ACSS3: variants seen among roughly 807,000 people sequenced by gnomAD.
ACSS3 encodes the protein acyl-CoA synthetase short-chain family member 3, mitochondrial.
A neutral mutation model predicts 84.2 loss-of-function variants in ACSS3; 64 were observed. The observed-to-expected ratio is 0.76, with a 90% CI of 0.62 to 0.94. The LOEUF (loss-of-function observed/expected upper bound fraction) is 0.94. Among genes scored for constraint, ACSS3 ranks in the 40% least tolerant of loss-of-function variants. ACSS3 has a pLI of 0.00. For synonymous variants in ACSS3, 317 were observed against 310.1 expected (o/e 1.02, Z -0.23); for missense variants, 815 against 867.6 (o/e 0.94, Z 0.76).
chr12:81,203,973 TA>T (rs2032227545), intron 9 of ACSS3, among the ~76,000 whole-genome samples: 1 of 152,136 alleles, frequency 6.6e-6, no homozygotes, highest in Admixed American at 6.6e-5. Context: ...TAAAATATGG[TA>T]ATCCATGTGC....
At chr12:81,108,334 A>G (rs1203881781) in intron 1 of ACSS3, among the ~76,000 whole-genome samples, 2 of 151,566 alleles carry the variant, frequency 1.3e-5, no homozygotes, top group Admixed American at 1.3e-4. Flanking sequence ...GCTGGAGTGC[A>G]GTGGCGTGAT....
intron 5 of ACSS3, among the ~76,000 whole-genome samples, chr12:81,145,149 C>T (rs979637457): frequency 1.0e-4 from 15 of 148,932 alleles, no homozygotes; most frequent in Non-Finnish European, 1.6e-4. Context: ...ATCTCCTGAC[C>T]TCGTGATCCA....
At chr12:81,140,575 A>T (rs963829001) in intron 4 of ACSS3, among the ~76,000 whole-genome samples, 6 of 152,242 alleles carry the variant, frequency 3.9e-5, no homozygotes, top group African/African-American at 1.4e-4. Context: ...ATTCCTGTGT[A>T]AAGTTTTAGT....
intron 13 of ACSS3, among the ~76,000 whole-genome samples, chr12:81,243,955 A>C (rs2033898202): frequency 6.6e-6 from 1 of 152,162 alleles, no homozygotes; most frequent in Non-Finnish European, 1.5e-5. Context: ...TTATTTATAC[A>C]AATTTCTGAC....
At chr12:81,248,891 T>G (rs1167394620) in intron 13 of ACSS3, among the ~76,000 whole-genome samples, 1 of 151,842 alleles carries the variant, frequency 6.6e-6, no homozygotes, top group Non-Finnish European at 1.5e-5. Flanking sequence ...ACCGTAAAAT[T>G]TATATTACCT....
intron 13 of ACSS3, among the ~76,000 whole-genome samples, chr12:81,251,668 C>CAAAAAAAAA (rs71098134): frequency 6.5e-4 from 57 of 87,762 alleles, no homozygotes; most frequent in Admixed American, 9.4e-4. Context: ...CCCATCTCTA[C>CAAAAAAAAA]AAAAAAAAAA....
chr12:81,093,312 G>A (rs1473782559), intron 1 of ACSS3, among the ~76,000 whole-genome samples: 1 of 151,848 alleles, frequency 6.6e-6, no homozygotes, highest in African/African-American at 2.4e-5. Context: ...AATTAGACAG[G>A]CATGGTGGCT....
intron 7 of ACSS3, 145 bp downstream of exon 7, chr12:81,152,241 A>G (rs546095842): frequency 8.2e-4 from 483 of 589,944 alleles, no homozygotes; most frequent in Non-Finnish European, 1.2e-3. Flanking sequence ...TATAATTTTG[A>G]AAGGGAAAAG....
chr12:81,249,363 G>A lies in ACSS3; in HGVS notation c.1720-3944G>A, dbSNP rs561916453. ...CTCTAATTTCACTCTTTCACTTGTA[G>A]CTTAAGTGTAGGTTTCTTAAATAAT... On this transcript the variant is annotated intron_variant, in intron 13 of 15. Transcript: ENST00000548058. 9.2e-4 allele frequency among the ~76,000 whole-genome samples: 140 copies of A among 152,134 alleles called. 1 individual carries two copies. Among genetic ancestry groups the A allele is most frequent in the African/African-American group, 3.2e-3 (133 of 41,556 alleles).
intron 1 of ACSS3, among the ~76,000 whole-genome samples, chr12:81,100,331 G>C (rs12301517): frequency 0.056 from 8,028 of 142,506 alleles, 346 homozygotes; most frequent in African/African-American, 0.12. Context: ...TGTAAAATAA[G>C]AAGTCCAAAA....
intron 5 of ACSS3, among the ~76,000 whole-genome samples, chr12:81,148,898 A>T (rs1313377787): frequency 3.3e-5 from 1 of 30,358 alleles, no homozygotes; most frequent in Non-Finnish European, 1.2e-4. Flanking sequence ...TGCCTCTACT[A>T]AAAAAAAAAA....
At chr12:81,201,421 A>G (rs1441961819) in intron 9 of ACSS3, among the ~76,000 whole-genome samples, 1 of 152,242 alleles carries the variant, frequency 6.6e-6, no homozygotes, top group East Asian at 1.9e-4. Flanking sequence ...CACATTCACA[A>G]ATAAAATTAT....
At chr12:81,107,114 G>C (rs1309622731) in intron 1 of ACSS3, among the ~76,000 whole-genome samples, 1 of 151,978 alleles carries the variant, frequency 6.6e-6, no homozygotes, top group African/African-American at 2.4e-5. Flanking sequence ...AGAAGGTTAG[G>C]GCTGGAGATC....
intron 9 of ACSS3, among the ~76,000 whole-genome samples, chr12:81,200,012 G>C (rs1360956347): frequency 6.6e-6 from 1 of 152,080 alleles, no homozygotes; most frequent in African/African-American, 2.4e-5. Flanking sequence ...CAAAACAATT[G>C]TCATTACATA....
chr12:81,110,483 TA>T (rs1017901783), intron 2 of ACSS3, among the ~76,000 whole-genome samples: 1 of 152,218 alleles, frequency 6.6e-6, no homozygotes, highest in African/African-American at 2.4e-5. Flanking sequence ...GAAGTAATTA[TA>T]AAAAGTATTT....
At chr12:81,118,093 A>G (rs1884201240) in intron 2 of ACSS3, 2 of 152,136 alleles carry the variant, frequency 1.3e-5, no homozygotes, top group Admixed American at 1.3e-4. Context: ...TTTTAGTTCT[A>G]TTTTTTTCAC....
At chr12:81,092,320 G>A (rs1320789234) in intron 1 of ACSS3, among the ~76,000 whole-genome samples, 1 of 151,970 alleles carries the variant, frequency 6.6e-6, no homozygotes, top group African/African-American at 2.4e-5. Flanking sequence ...ATCAAGCGAG[G>A]AAAAAGGGCA....
At chr12:81,252,314 C>T (rs1325408728) in intron 13 of ACSS3, among the ~76,000 whole-genome samples, 1 of 152,078 alleles carries the variant, frequency 6.6e-6, no homozygotes, top group Non-Finnish European at 1.5e-5. Flanking sequence ...TAATATCTGT[C>T]TCCACTACTA....
intron 7 of ACSS3, among the ~76,000 whole-genome samples, chr12:81,171,422 A>T: frequency 6.6e-6 from 1 of 152,156 alleles, no homozygotes; most frequent in East Asian, 1.9e-4. Context: ...AGAAAAAACT[A>T]AAGTATATAA....
Sources: allele counts gnomAD v4.1 joint callset (sites outside exome capture counted in the v4.1 genomes callset), GRCh38; gene constraint gnomAD v4.1.1; transcripts MANE v1.5; gene names NCBI Gene and HGNC (gene_info 2026-07-23, HGNC 2026-07-21).